ARL5A: variants seen among roughly 807,000 people sequenced by gnomAD.
The protein encoded by ARL5A is ADP-ribosylation factor-like protein 5A.
ARL5A carries 18 observed loss-of-function variants against 25.9 expected under a neutral mutation model. The ratio of observed to expected loss-of-function variants is 0.69; its 90% CI spans 0.48 to 1.03. The LOEUF (loss-of-function observed/expected upper bound fraction) is 1.03, where lower values mean the gene tolerates loss of function less well. Among genes scored for constraint, ARL5A ranks in the 50% least tolerant of loss-of-function variants. The probability of loss-of-function intolerance (pLI) is 0.00; values close to 1 mark genes in which losing one functional copy is unlikely to be tolerated. For synonymous variants in ARL5A, 61 were observed against 67.5 expected (o/e 0.90, Z 0.47); for missense variants, 170 against 211.9 (o/e 0.80, Z 1.23).
At position 151,803,099 on chromosome 2, in the gene ARL5A, C is replaced by A; in HGVS notation, c.*177G>T. ...ACTTTGGAAAAAACTAATGAGAAAGCAAACTGGAAGGTGAGACTTCATCTT... is the reference window on the plus strand; with the variant it reads ...ACTTTGGAAAAAACTAATGAGAAAGAAAACTGGAAGGTGAGACTTCATCTT... On this transcript the variant is annotated 3_prime_UTR_variant, in exon 6 of 6. Coordinates refer to ENST00000295087, the MANE Select transcript of ARL5A (RefSeq NM_012097.4). The A allele has an allele frequency of 1.9e-6, 1 of 536,516 alleles. No individual in the cohort carries two copies. 33.2% of individuals were successfully genotyped at this position (536,516 alleles called of 1,614,324 possible). A position where few individuals can be genotyped will look rare whatever the true frequency, so the allele number is the denominator to read the frequency against.
chr2:151,810,326 G>A (rs2099830680), intron 4 of ARL5A: 1 of 180,942 alleles, frequency 5.5e-6, no homozygotes, highest in Non-Finnish European at 1.2e-5. Flanking sequence ...GATTTATGTA[G>A]TATGTAAGAA....
At chr2:151,805,547 G>C (rs1462005461) in intron 5 of ARL5A, among the ~76,000 whole-genome samples, 2 of 152,146 alleles carry the variant, frequency 1.3e-5, no homozygotes, top group East Asian at 1.9e-4. Context: ...TGTGTCAGGT[G>C]ATTTCATCAT....
rs2099833364 is a variant in ARL5A at position 151,828,253 on chromosome 2, G to A, written c.-77C>T. ...CCGGCTCAGGCTGAGGGGGAGGAGA[G>A]AGACGCGCTGGAGCCTCCGCCTCTG... On this transcript the variant is annotated 5_prime_UTR_variant, in exon 1 of 6. Coordinates refer to ENST00000295087, the MANE Select transcript of ARL5A (RefSeq NM_012097.4). 7.4e-7 allele frequency: 1 copy of A among 1,347,990 alleles called. No individual in the cohort carries two copies. The highest frequency in any genetic ancestry group is 1.0e-6 in the Non-Finnish European group (1 of 958,714). 83.5% of individuals were successfully genotyped at this position (1,347,990 alleles called of 1,614,324 possible). A position where few individuals can be genotyped will look rare whatever the true frequency, so the allele number is the denominator to read the frequency against.
intron 4 of ARL5A, chr2:151,810,498 T>C (rs1218555061): frequency 7.4e-6 from 3 of 407,044 alleles, no homozygotes; most frequent in Non-Finnish European, 9.9e-6. Context: ...TCTTCTCTGG[T>C]CATCTCCTCA....
chr2:151,811,215 C>T (rs2099830794), intron 4 of ARL5A, among the ~76,000 whole-genome samples: 1 of 152,162 alleles, frequency 6.6e-6, no homozygotes, highest in Non-Finnish European at 1.5e-5. Context: ...GCCTGAAATA[C>T]ACAAAATTCT....
chr2:151,820,152 C>T (rs1400401669), intron 1 of ARL5A, among the ~76,000 whole-genome samples: 1 of 152,128 alleles, frequency 6.6e-6, no homozygotes, highest in Admixed American at 6.5e-5. Flanking sequence ...AACTTAGTTG[C>T]CTACTGAGGA....
In ARL5A at chr2:151,823,188, C is replaced by T. The variant is rs182189420; in HGVS notation, c.46+4943G>A. Among the ~76,000 whole-genome samples the T allele has an allele frequency of 1.4e-3, 213 of 152,140 alleles. 2 individuals are homozygous for T. The highest frequency in any genetic ancestry group is 2.6e-3 in the Non-Finnish European group (176 of 68,012). On this transcript the variant is annotated intron_variant, in intron 1 of 5. Transcript: ENST00000295087. ...CATATTCACTATAGTTCTCTTAGTCCATAGGACAGCTCCTGGAATAAAGCA... is the reference window on the plus strand; with the variant it reads ...CATATTCACTATAGTTCTCTTAGTCTATAGGACAGCTCCTGGAATAAAGCA...
At chr2:151,809,872 A>C (rs2099830596) in intron 4 of ARL5A, among the ~76,000 whole-genome samples, 1 of 152,234 alleles carries the variant, frequency 6.6e-6, no homozygotes, top group Admixed American at 6.5e-5. Context: ...ACCTGAGGTC[A>C]GGAGTTCGAG....
intron 1 of ARL5A, among the ~76,000 whole-genome samples, chr2:151,826,092 A>T (rs1164565612): frequency 3.0e-4 from 46 of 152,324 alleles, no homozygotes; most frequent in African/African-American, 1.1e-3. Context: ...ACTGCACTCC[A>T]GCCTGGTGAC....
chr2:151,814,477 G>A (rs961871357), intron 2 of ARL5A, among the ~76,000 whole-genome samples, 161 bp from the exon 3 acceptor site: 1 of 152,078 alleles, frequency 6.6e-6, no homozygotes, highest in Non-Finnish European at 1.5e-5. Context: ...AAACAGGGCT[G>A]GAACTAGGTC....
Position 151,828,143 on chromosome 2 carries a change from AC to A in ARL5A, c.33del (p.Phe12SerfsTer27). 6.2e-7 allele frequency: 1 copy of A among 1,609,934 alleles called. No homozygotes were observed. Among genetic ancestry groups the A allele is most frequent in the Non-Finnish European group, 8.5e-7 (1 of 1,178,078 alleles). MGILFTRIWR[L>X]FNHQEHKVII... Reference sequence around the variant, plus strand: ...CCGAGCTCCTCACCCTGGTGATTGAACAGTCTCCATATTCTAGTGAAGAGAA... The same window carrying A: ...CCGAGCTCCTCACCCTGGTGATTGAAAGTCTCCATATTCTAGTGAAGAGAA... On this transcript the variant is annotated frameshift_variant, in exon 1 of 6. Transcript: ENST00000295087. LOFTEE classifies it high-confidence loss of function.
At chr2:151,821,821 G>A (rs1252214142) in intron 1 of ARL5A, among the ~76,000 whole-genome samples, 4 of 116,486 alleles carry the variant, frequency 3.4e-5, no homozygotes, top group African/African-American at 9.6e-5. Context: ...ACGGAGTCTC[G>A]CCGTATGCCC....
chr2:151,818,676 G>A (rs895923662), intron 1 of ARL5A, among the ~76,000 whole-genome samples: 3 of 152,160 alleles, frequency 2.0e-5, no homozygotes, highest in Non-Finnish European at 4.4e-5. Context: ...TAAATAGCAT[G>A]GCAATTCTGC....
At chr2:151,816,559 T>A (rs1306258871) in intron 1 of ARL5A, among the ~76,000 whole-genome samples, 1 of 152,200 alleles carries the variant, frequency 6.6e-6, no homozygotes, top group Non-Finnish European at 1.5e-5. Flanking sequence ...CAAATGACTT[T>A]TATTATTTCT....
chr2:151,826,878 T>C (rs1310639750), intron 1 of ARL5A, among the ~76,000 whole-genome samples: 1 of 152,198 alleles, frequency 6.6e-6, no homozygotes, highest in South Asian at 2.1e-4. Context: ...AATCCTCTTA[T>C]CAGAAAAATT....
At chr2:151,817,717 C>T (rs561868367) in intron 1 of ARL5A, among the ~76,000 whole-genome samples, 3 of 152,108 alleles carry the variant, frequency 2.0e-5, no homozygotes, top group Non-Finnish European at 4.4e-5. Flanking sequence ...GACCTAGGGC[C>T]CAGGCCAGGT....
At chr2:151,813,706 G>A (rs1244185144) in intron 3 of ARL5A, among the ~76,000 whole-genome samples, 1 of 152,100 alleles carries the variant, frequency 6.6e-6, no homozygotes, top group East Asian at 1.9e-4. Context: ...GGGAAATAAT[G>A]TGTAAATAAA....
chr2:151,815,164 C>T lies in ARL5A; in HGVS notation c.82G>A (p.Gly28Arg), dbSNP rs752660825. 2 of 1,607,340 alleles carry T rather than the reference C, an allele frequency of 1.2e-6. No homozygotes were observed. The highest frequency in any genetic ancestry group is 2.2e-5 in the South Asian group (2 of 89,408). The change falls in exon 2 of 6, where the codon GGG (glycine) becomes AGG (arginine). Residue 28 changes from glycine to arginine, a missense_variant. Gly to Arg is a moderately radical substitution (Grantham distance 125). Transcript: ENST00000295087. ...KVIIVGLDNA[G>R]KTTILYQFSM... ...AATTGGTAAAGAATGGTAGTTTTCC[C>T]TGCATTATCCAGCCCAACAATGATA...
At chr2:151,803,388 G>A in intron 5 of ARL5A, 64 bp from the exon 6 acceptor site, 1 of 1,175,764 alleles carries the variant, frequency 8.5e-7, no homozygotes, top group Non-Finnish European at 1.3e-6. Flanking sequence ...AGCAAACTAT[G>A]AACAGCAAAC....
Sources: gnomAD v4.1 joint callset for allele counts (sites outside exome capture counted in the v4.1 genomes callset) on GRCh38, gnomAD v4.1.1 for gene constraint, MANE v1.5 for transcripts, NCBI Gene and HGNC (gene_info 2026-07-23, HGNC 2026-07-21) for gene names.